TRIP12: variants seen among roughly 807,000 people sequenced by gnomAD.
TRIP12 encodes E3 ubiquitin-protein ligase TRIP12.
Under a neutral mutation model 244.2 loss-of-function variants are expected in TRIP12, and 25 were observed. The ratio of observed to expected loss-of-function variants is 0.10; its 90% CI spans 0.07 to 0.14. TRIP12 has a LOEUF of 0.14. Ranked by LOEUF, TRIP12 falls within the 10% of genes least tolerant of loss-of-function variation. TRIP12 has a pLI of 1.00. For synonymous variants in TRIP12, 905 were observed against 873.1 expected (o/e 1.04, Z -0.64); for missense variants, 1,677 against 2,486.4 (o/e 0.67, Z 6.92).
intron 11 of TRIP12, 33 bp downstream of exon 11, chr2:229,815,066 G>A (rs747991245): frequency 3.9e-6 from 6 of 1,544,346 alleles, no homozygotes; most frequent in South Asian, 3.6e-5. Flanking sequence ...CCCTATGCCT[G>A]CTTTTGAACA....
chr2:229,778,100 G>A lies in TRIP12; in HGVS notation c.5364+333C>T, dbSNP rs2036875193. 6.6e-6 allele frequency among the ~76,000 whole-genome samples: 1 copy of A among 152,182 alleles called. No homozygotes were observed. The stretch of plus-strand genomic sequence containing the variant: ...CAAACTTTCCTACTGAATTAAAAAG[G>A]TAATGTCAGACTTTAAAAAATAAAT... On this transcript the variant is annotated intron_variant, in intron 36 of 41. Transcript: ENST00000675903. The surrounding 1 kb of genome is among the most constrained non-coding windows in gnomAD (Gnocchi z 4.1).
chr2:229,794,720 A>AT (rs1465311654), intron 26 of TRIP12: 1 of 152,130 alleles, frequency 6.6e-6, no homozygotes, highest in Non-Finnish European at 1.5e-5. Context: ...CTACATTAAA[A>AT]ATATATATAT....
rs1574924439 is a variant in TRIP12, at chr2:229,783,388, CCCA to C, written c.5094+2366_5094+2368del. Among the ~76,000 whole-genome samples, 29 of 152,262 alleles carry C rather than the reference CCCA, an allele frequency of 1.9e-4. No homozygotes were observed. The East Asian group carries it at 5.4e-3, about 28-fold the overall frequency. ...TATCTGGTCCTTCACAGAAAGTTTT[CCCA>C]AGCCATGGGTCTACAATAATCGTAA... On this transcript the variant is annotated intron_variant, in intron 34 of 41. Transcript: ENST00000675903.
intron 21 of TRIP12, 42 bp from the exon 22 acceptor site, chr2:229,799,425 T>C (rs1242426082): frequency 6.5e-7 from 1 of 1,531,282 alleles, no homozygotes; most frequent in Non-Finnish European, 9.0e-7. Flanking sequence ...CAATTACCAC[T>C]GTTTTATATC....
At chr2:229,887,582 A>G (rs776283663) in intron 1 of TRIP12, among the ~76,000 whole-genome samples, 5 of 118,626 alleles carry the variant, frequency 4.2e-5, no homozygotes, top group Non-Finnish European at 5.6e-5. Context: ...CGGGGTCAAG[A>G]AACATTTTGA....
chr2:229,865,537 T>C (rs2061385242), intron 2 of TRIP12, among the ~76,000 whole-genome samples: 1 of 148,666 alleles, frequency 6.7e-6, no homozygotes, highest in Non-Finnish European at 1.5e-5. Flanking sequence ...TGGTAATATA[T>C]GCATGTATTA....
chr2:229,795,693 T>C (rs375799137), intron 25 of TRIP12, among the ~76,000 whole-genome samples: 2 of 152,192 alleles, frequency 1.3e-5, no homozygotes, highest in East Asian at 3.8e-4. Flanking sequence ...TAATATACAG[T>C]GCTATTCAGA....
chr2:229,916,891 GTC>G lies in TRIP12; in HGVS notation c.-50+4987_-50+4988del, dbSNP rs530986904. 1.3e-4 allele frequency among the ~76,000 whole-genome samples: 19 copies of G among 151,624 alleles called. No homozygotes were observed. The South Asian group carries it at 4.0e-3, about 32-fold the overall frequency. On this transcript the variant is annotated intron_variant, in intron 1 of 41. Coordinates refer to ENST00000675903, the MANE Select transcript of TRIP12 (RefSeq NM_001348323.3). ...AAAAAAAAGAAAAATCAAGGGACAG[GTC>G]TAGCATCGGTATACTTATCTATTTA...
At chr2:229,919,309 A>G (rs1037720590) in intron 1 of TRIP12, among the ~76,000 whole-genome samples, 5 of 152,180 alleles carry the variant, frequency 3.3e-5, no homozygotes, top group East Asian at 1.9e-4. Flanking sequence ...TCAGCTACTC[A>G]GGAGGCTGAG....
intron 4 of TRIP12, among the ~76,000 whole-genome samples, chr2:229,856,683 T>C (rs534755683): frequency 8.6e-4 from 131 of 152,236 alleles, no homozygotes; most frequent in African/African-American, 3.0e-3. Context: ...GAATATTACA[T>C]AGCAGGACTG....
At chr2:229,851,100 G>A (rs1399681186) in intron 4 of TRIP12, among the ~76,000 whole-genome samples, 2 of 152,228 alleles carry the variant, frequency 1.3e-5, no homozygotes, top group African/African-American at 2.4e-5. Flanking sequence ...TGAGGAGTCC[G>A]AGCACATGGC....
intron 1 of TRIP12, among the ~76,000 whole-genome samples, chr2:229,903,493 CAAG>C (rs754815795): frequency 2.6e-5 from 4 of 151,834 alleles, no homozygotes; most frequent in Non-Finnish European, 5.9e-5. Context: ...TTCCACGGAG[CAAG>C]AAGAGCAAGT....
Position 229,787,506 on chromosome 2 carries a change from T to G in TRIP12, c.4994A>C (p.Lys1665Thr), listed in dbSNP as rs1207590555. ...TAAAGATTTTGGGGAGAAACTTACT[T>G]TTTTTCTATCCAATCTAGGTGCAAC... ...SRVAPRLDRK[K>T]RTVNREELLK... The change falls in exon 33 of 42, where the codon AAA becomes ACA. Residue 1665 changes from lysine (K) to threonine (T), a missense_variant and splice_region_variant. By Grantham distance (78) the Lys-to-Thr change is moderately conservative. This residue lies in a region of TRIP12 where 30 missense variants were observed against 64.7 expected (regional missense o/e 0.46). Transcript: ENST00000675903. 2 of 1,593,058 alleles carry G rather than the reference T, an allele frequency of 1.3e-6. No individual in the cohort carries two copies. Among genetic ancestry groups the G allele is most frequent in the Non-Finnish European group, 1.7e-6 (2 of 1,174,618 alleles).
Position 229,830,800 on chromosome 2 carries a change from G to C in TRIP12, c.1310C>G (p.Ser437Cys). 1 of 1,614,136 alleles carries C rather than the reference G, an allele frequency of 6.2e-7. No individual in the cohort carries two copies. Among genetic ancestry groups the C allele is most frequent in the East Asian group, 2.2e-5 (1 of 44,870 alleles). ...GGAATCATCTGATTCACTCTCCCCAGAGGTGGTCATGCCAACAGCCCCTGC... is the reference window on the plus strand; with the variant it reads ...GGAATCATCTGATTCACTCTCCCCACAGGTGGTCATGCCAACAGCCCCTGC... ...SVAGAVGMTT[S>C]GESESDDSEM... Residue 437 changes from serine (S) to cysteine (C), a missense_variant, in exon 7 of 42, where the codon TCT (serine) becomes TGT (cysteine). Transcript: ENST00000675903.
intron 1 of TRIP12, 147 bp from the exon 2 acceptor site, chr2:229,880,275 T>A: frequency 1.7e-6 from 1 of 596,614 alleles, no homozygotes; most frequent in East Asian, 2.8e-5. Flanking sequence ...CTCACTGAAC[T>A]GTGAAGTCTG....
rs1487586082 is a variant in TRIP12, at chr2:229,778,572, G to A, written c.5225C>T (p.Thr1742Ile). The A allele has an allele frequency of 1.2e-6, 2 of 1,613,724 alleles. No homozygotes were observed. The highest frequency in any genetic ancestry group is 1.1e-5 in the South Asian group (1 of 91,050). ...GCCCTGGAGGTTTTGAATATACTTG[G>A]TCCCTTCTTGGCTCCCTGAAAAACA... is the stretch of plus-strand genomic sequence containing the variant. Reference protein sequence around the residue: ...LSNPKGSQEGTKYIQNLQGLF... With the variant: ...LSNPKGSQEGIKYIQNLQGLF... Residue 1742 changes from threonine to isoleucine, a missense_variant, in exon 36 of 42, where the codon ACC becomes ATC. Physicochemically the swap from Thr to Ile is moderately conservative, Grantham distance 89 (BLOSUM62 -1). Coordinates refer to ENST00000675903, the MANE Select transcript of TRIP12 (RefSeq NM_001348323.3). This position sits in a 1 kb window ranked among gnomAD's most constrained non-coding sequence, Gnocchi z 4.1.
chr2:229,767,830 C>T (rs969517827), intron 41 of TRIP12, 80 bp from the exon 42 acceptor site: 8 of 1,363,156 alleles, frequency 5.9e-6, no homozygotes, highest in South Asian at 1.4e-5. Context: ...ACTGCTTTGC[C>T]GTACAATATT....
At chr2:229,790,304 G>T (rs1166968775) in intron 30 of TRIP12, among the ~76,000 whole-genome samples, 1 of 152,172 alleles carries the variant, frequency 6.6e-6, no homozygotes, top group Non-Finnish European at 1.5e-5. Flanking sequence ...CTGAGGGATT[G>T]AAACAGTTGC....
chr2:229,838,199 T>C (rs901010964), intron 5 of TRIP12, among the ~76,000 whole-genome samples: 1 of 152,226 alleles, frequency 6.6e-6, no homozygotes, highest in Non-Finnish European at 1.5e-5. Flanking sequence ...AGAAATTTGC[T>C]TAACTAATCT....
Sources: gnomAD v4.1 joint callset for allele counts (sites outside exome capture counted in the v4.1 genomes callset) on GRCh38, gnomAD v4.1.1 for gene constraint, gnomAD v4.1.1 regional missense constraint, Gnocchi (gnomAD v3.1) non-coding constraint, MANE v1.5 for transcripts, NCBI Gene and HGNC (gene_info 2026-07-23, HGNC 2026-07-21) for gene names.